TMCC1: variants seen among roughly 807,000 people sequenced by gnomAD.
TMCC1 encodes transmembrane and coiled-coil domains protein 1.
In TMCC1, 15 loss-of-function variants were observed where a neutral mutation model predicts 52.4. The observed-to-expected ratio is 0.29, with a 90% confidence interval of 0.19 to 0.44. The LOEUF is 0.44. Ranked by LOEUF, TMCC1 falls within the 20% of genes least tolerant of loss-of-function variation. The pLI is 1.00. For missense variants in TMCC1, 503 were observed against 806.0 expected (o/e 0.62, Z 4.55); for synonymous variants, 279 against 301.9 (o/e 0.92, Z 0.79).
intron 4 of TMCC1, among the ~76,000 whole-genome samples, chr3:129,807,340 T>C (rs1272837284): frequency 6.6e-6 from 1 of 152,182 alleles, no homozygotes; most frequent in South Asian, 2.1e-4. Flanking sequence ...ATGAATAAAA[T>C]ATTACACAAT....
chr3:129,874,462 CTT>C (rs2107973870), intron 2 of TMCC1, among the ~76,000 whole-genome samples: 1 of 152,312 alleles, frequency 6.6e-6, no homozygotes, highest in East Asian at 1.9e-4. Flanking sequence ...AATCCCAGCA[CTT>C]TGAGAGGCTG....
intron 6 of TMCC1, 122 bp downstream of exon 6, chr3:129,654,846 T>TA: frequency 1.4e-6 from 2 of 1,385,394 alleles, no homozygotes; most frequent in Non-Finnish European, 9.8e-7. Flanking sequence ...GGTATACTCT[T>TA]ACACAGTTGG....
At chr3:129,668,940 T>G (rs2087690700) in intron 5 of TMCC1, among the ~76,000 whole-genome samples, 1 of 152,202 alleles carries the variant, frequency 6.6e-6, no homozygotes, top group Non-Finnish European at 1.5e-5. Flanking sequence ...AAAGAATTTA[T>G]AAAACACTTA....
At chr3:129,792,356 A>AT (rs934528860) in intron 4 of TMCC1, among the ~76,000 whole-genome samples, 5 of 150,834 alleles carry the variant, frequency 3.3e-5, no homozygotes, top group Non-Finnish European at 7.4e-5. Flanking sequence ...TTGCTGATAT[A>AT]TTTTTTTTTA....
chr3:129,672,181 T>C (rs977419753), intron 4 of TMCC1, among the ~76,000 whole-genome samples: 4 of 152,188 alleles, frequency 2.6e-5, no homozygotes, highest in African/African-American at 7.2e-5. Context: ...CTCTTCAACA[T>C]AGTTAGCTAA....
chr3:129,738,790 T>C (rs2051205584), intron 4 of TMCC1, among the ~76,000 whole-genome samples: 1 of 152,188 alleles, frequency 6.6e-6, no homozygotes, highest in Non-Finnish European at 1.5e-5. Context: ...ACATGGACTT[T>C]TATATAAGAA....
chr3:129,661,714 G>A (rs1436449448), intron 5 of TMCC1, among the ~76,000 whole-genome samples: 1 of 151,938 alleles, frequency 6.6e-6, no homozygotes, highest in Non-Finnish European at 1.5e-5. Flanking sequence ...GAGGTGAGAG[G>A]ACTGCTTCAG....
At chr3:129,864,232 A>G (rs939789334) in intron 2 of TMCC1, among the ~76,000 whole-genome samples, 3 of 152,208 alleles carry the variant, frequency 2.0e-5, no homozygotes, top group Non-Finnish European at 2.9e-5. Flanking sequence ...TTCAGTCATA[A>G]AATTTTAAAG....
chr3:129,761,125 A>G (rs908377478), intron 4 of TMCC1, among the ~76,000 whole-genome samples: 3 of 151,658 alleles, frequency 2.0e-5, no homozygotes, highest in Admixed American at 6.6e-5. Context: ...GGGGATCGAG[A>G]CCATCCTGGC....
At chr3:129,763,825 CAAATAAAT>C (rs555686977) in intron 4 of TMCC1, among the ~76,000 whole-genome samples, 1 of 145,344 alleles carries the variant, frequency 6.9e-6, no homozygotes, top group Non-Finnish European at 1.5e-5. Flanking sequence ...GACTCTGTCT[CAAATAAAT>C]AAATAAATAA....
chr3:129,774,548 A>G (rs536174638), intron 4 of TMCC1, among the ~76,000 whole-genome samples: 2 of 152,356 alleles, frequency 1.3e-5, no homozygotes, highest in South Asian at 4.1e-4. Flanking sequence ...ACAGTGAGAC[A>G]GTATCATGGT....
intron 4 of TMCC1, among the ~76,000 whole-genome samples, chr3:129,763,584 T>C (rs2053836101): frequency 6.9e-6 from 1 of 144,652 alleles, no homozygotes. Flanking sequence ...GAAAAAATTA[T>C]ACTTACCCTG....
intron 4 of TMCC1, among the ~76,000 whole-genome samples, chr3:129,705,814 G>C (rs561032855): frequency 4.0e-5 from 6 of 151,830 alleles, no homozygotes; most frequent in Admixed American, 2.0e-4. Context: ...GGATGGTCTC[G>C]ATCTCCTGAC....
intron 4 of TMCC1, among the ~76,000 whole-genome samples, chr3:129,677,419 CA>C (rs1252186953): frequency 1.3e-5 from 2 of 151,996 alleles, no homozygotes; most frequent in Non-Finnish European, 2.9e-5. Context: ...GAGACGGTAA[CA>C]AAAAAGGTGC....
In TMCC1 at chr3:129,804,995, C is replaced by A. The variant is rs952414051; in HGVS notation, c.576+22808G>T. Among the ~76,000 whole-genome samples, 13 of 152,046 alleles carry A rather than the reference C, an allele frequency of 8.6e-5. 1 individual carries two copies. The highest frequency in any genetic ancestry group is 6.6e-4 in the Admixed American group (10 of 15,260). On this transcript the variant is annotated intron_variant, in intron 4 of 6. Coordinates refer to ENST00000393238, the MANE Select transcript of TMCC1 (RefSeq NM_001017395.5). Reference sequence around the variant, plus strand: ...CATATAAAATCACCACTTTTGTGAGCCAAAAACTGCTCCAGTATTGGCAAT... The same window carrying A: ...CATATAAAATCACCACTTTTGTGAGACAAAAACTGCTCCAGTATTGGCAAT...
intron 4 of TMCC1, among the ~76,000 whole-genome samples, chr3:129,811,116 A>C (rs2057782436): frequency 6.6e-6 from 1 of 152,196 alleles, no homozygotes; most frequent in African/African-American, 2.4e-5. Context: ...CTAAAATTCT[A>C]AAGCGTATTC....
intron 4 of TMCC1, among the ~76,000 whole-genome samples, chr3:129,745,864 G>A (rs2051903033): frequency 6.6e-6 from 1 of 151,508 alleles, no homozygotes. Context: ...CTCGGGAGCC[G>A]AGATTGTGCC....
At chr3:129,659,799 C>G (rs545225665) in intron 5 of TMCC1, among the ~76,000 whole-genome samples, 1 of 152,298 alleles carries the variant, frequency 6.6e-6, no homozygotes, top group African/African-American at 2.4e-5. Context: ...GCAGTTTGTA[C>G]CAGCTAATGC....
intron 2 of TMCC1, among the ~76,000 whole-genome samples, chr3:129,839,398 T>C (rs961707769): frequency 7.2e-5 from 11 of 151,836 alleles, no homozygotes; most frequent in Non-Finnish European, 8.8e-5. Flanking sequence ...AAAACCTTTT[T>C]AAAGAAATCT....
Sources: allele counts gnomAD v4.1 joint callset (sites outside exome capture counted in the v4.1 genomes callset), GRCh38; gene constraint gnomAD v4.1.1; transcripts MANE v1.5; gene names NCBI Gene and HGNC (gene_info 2026-07-23, HGNC 2026-07-21).